Variants in COL4A4 observed in about 807,000 individuals in gnomAD.
The protein encoded by COL4A4 is collagen alpha-4(IV) chain.
In COL4A4, 105 loss-of-function variants were observed where a neutral mutation model predicts 192.9. The ratio of observed to expected loss-of-function variants is 0.54; its 90% CI spans 0.46 to 0.64. COL4A4 has a LOEUF of 0.64. COL4A4 is among the 30% of genes least tolerant of loss of function. The probability of loss-of-function intolerance (pLI) is 0.00; values close to 1 mark genes in which losing one functional copy is unlikely to be tolerated. For synonymous variants in COL4A4, 762 were observed against 769.9 expected (o/e 0.99, Z 0.17); for missense variants, 1,967 against 2,169.3 (o/e 0.91, Z 1.85).
chr2:227,122,341 A>G (rs1458566649), intron 4 of COL4A4, among the ~76,000 whole-genome samples: 1 of 152,240 alleles, frequency 6.6e-6, no homozygotes, highest in African/African-American at 2.4e-5. Context: ...AATTTTTGCA[A>G]AGATTTAAGA....
In COL4A4 at chr2:227,012,221, A is replaced by G; in HGVS notation, c.4293T>C (p.Arg1431=). 4.3e-6 allele frequency: 7 copies of G among 1,614,062 alleles called. No individual in the cohort carries two copies. The highest frequency in any genetic ancestry group is 5.9e-6 in the Non-Finnish European group (7 of 1,179,982). The part of the protein sequence containing the change: ...GVPGSPGPPG[R]KGDTGEDGYP... ...AGCCGTCTTCTCCTGTGTCACCTTT[A>G]CGTCCGGGAGGCCCAGGAGACCCAG... The change falls in exon 45 of 48, where the codon CGT becomes CGC. Residue 1431 remains arginine (R), a synonymous_variant. Coordinates refer to ENST00000396625, the MANE Select transcript of COL4A4 (RefSeq NM_000092.5).
rs1184965198 is a variant in COL4A4 at position 227,010,287 on chromosome 2, G to A, written c.4522+26C>T. The A allele has an allele frequency of 3.1e-6, 5 of 1,613,736 alleles. No homozygotes were observed. The Admixed American group carries it at 5.0e-5, about 16-fold the overall frequency. Reference sequence around the variant, plus strand: ...CCCCAAATTTTACTCTTCAGGCAATGGAGATGGGCGATCCTGTATCCATAC... The same window carrying A: ...CCCCAAATTTTACTCTTCAGGCAATAGAGATGGGCGATCCTGTATCCATAC... On this transcript the variant is annotated intron_variant, in intron 46 of 47. Coordinates refer to ENST00000396625, the MANE Select transcript of COL4A4 (RefSeq NM_000092.5).
chr2:227,072,764 T>C (rs1253046918), intron 25 of COL4A4, among the ~76,000 whole-genome samples: 3 of 152,084 alleles, frequency 2.0e-5, no homozygotes, highest in African/African-American at 4.8e-5. Context: ...AGTCAATAAA[T>C]GTGATCCATC....
the COL4A4 span, among the ~76,000 whole-genome samples, chr2:226,977,242 C>G: frequency 4.6e-5 from 7 of 152,172 alleles, no homozygotes; most frequent in East Asian, 9.6e-4. Flanking sequence ...GCAAGCTCCC[C>G]CTCCCTTTAG....
intron 40 of COL4A4, among the ~76,000 whole-genome samples, chr2:227,030,988 GGATA>G (rs944013146): frequency 9.5e-5 from 14 of 146,878 alleles, no homozygotes; most frequent in Admixed American, 2.7e-4. Flanking sequence ...ACGGTTGGAT[GGATA>G]GATAAGATGG....
In COL4A4 at chr2:227,114,332, C is replaced by CA. The variant is rs57865017; in HGVS notation, c.558+295dup. Among the ~76,000 whole-genome samples, 12,462 of 152,238 alleles carry CA rather than the reference C, an allele frequency of 0.082. 957 individuals are homozygous for CA. The highest frequency in any genetic ancestry group is 0.21 in the African/African-American group (8,615 of 41,504). On this transcript the variant is annotated intron_variant, in intron 8 of 47. Transcript: ENST00000396625. ...TCCTATAATGCACAAGTCAGCCCCACACCAAATGAATATGTGGCCCACAAT... is the reference window on the plus strand; with the variant it reads ...TCCTATAATGCACAAGTCAGCCCCACAACCAAATGAATATGTGGCCCACAAT...
chr2:227,045,967 TTATA>T, intron 35 of COL4A4, among the ~76,000 whole-genome samples: 1 of 34,404 alleles, frequency 2.9e-5, no homozygotes, highest in African/African-American at 1.4e-4. Flanking sequence ...ATGTATATAT[TTATA>T]TGTGTATATG....
chr2:227,091,995 CTG>C (rs953570140), intron 20 of COL4A4, among the ~76,000 whole-genome samples: 1 of 152,064 alleles, frequency 6.6e-6, no homozygotes, highest in African/African-American at 2.4e-5. Context: ...TGCTTACTGA[CTG>C]TGTGCAAGCC....
At chr2:227,120,061 T>G (rs2061694347) in intron 5 of COL4A4, 122 bp from the exon 6 acceptor site, 1 of 676,192 alleles carries the variant, frequency 1.5e-6, no homozygotes, top group Non-Finnish European at 2.3e-6. Context: ...TGTCACCTAT[T>G]TTTTACATGA....
chr2:227,084,886 C>A (rs1321953418), intron 22 of COL4A4, among the ~76,000 whole-genome samples: 2 of 152,136 alleles, frequency 1.3e-5, no homozygotes, highest in African/African-American at 2.4e-5. Context: ...AATCCCAGCA[C>A]TTTGGGAGGC....
chr2:227,114,829 T>C, intron 7 of COL4A4, 133 bp from the exon 8 acceptor site: 1 of 738,354 alleles, frequency 1.4e-6, no homozygotes, highest in Non-Finnish European at 2.4e-6. Context: ...GACATTTCTG[T>C]ATCCTCTTCC....
chr2:227,125,587 T>C (rs2062038440), intron 4 of COL4A4, among the ~76,000 whole-genome samples: 1 of 151,410 alleles, frequency 6.6e-6, no homozygotes, highest in Admixed American at 6.6e-5. Flanking sequence ...TGCTAACTCC[T>C]CTCTCTCACC....
intron 25 of COL4A4, among the ~76,000 whole-genome samples, chr2:227,071,820 G>A (rs1576317558): frequency 6.6e-6 from 1 of 152,062 alleles, no homozygotes; most frequent in African/African-American, 2.4e-5. Context: ...AATGAAATCA[G>A]GATGGACATT....
At position 227,022,041 on chromosome 2, in the gene COL4A4, C is replaced by T. The variant is rs752587414; in HGVS notation, c.4216+7G>A. 1.2e-6 allele frequency: 2 copies of T among 1,613,776 alleles called. No individual in the cohort carries two copies. Among genetic ancestry groups the T allele is most frequent in the Non-Finnish European group, 8.5e-7 (1 of 1,179,780 alleles). Reference sequence around the variant, plus strand: ...AAAATAATGAACAATCAGCATGCGGCTCATACCTGGTCCTGAGGGGCCTCT... The same window carrying T: ...AAAATAATGAACAATCAGCATGCGGTTCATACCTGGTCCTGAGGGGCCTCT... On this transcript the variant is annotated splice_region_variant and intron_variant, in intron 44 of 47. Coordinates refer to ENST00000396625, the MANE Select transcript of COL4A4 (RefSeq NM_000092.5).
intron 38 of COL4A4, among the ~76,000 whole-genome samples, chr2:227,032,549 G>A (rs923692210): frequency 2.1e-4 from 32 of 152,154 alleles, no homozygotes; most frequent in African/African-American, 7.2e-4. Flanking sequence ...CTCTACAATG[G>A]AGAGAGTAAA....
At chr2:227,067,749 C>A (rs1486186699) in intron 25 of COL4A4, among the ~76,000 whole-genome samples, 3 of 151,990 alleles carry the variant, frequency 2.0e-5, no homozygotes, top group Non-Finnish European at 4.4e-5. Flanking sequence ...GCACTAAATG[C>A]CCTCAAGAGA....
At chr2:226,973,648 G>A in the COL4A4 span, among the ~76,000 whole-genome samples, 2 of 152,202 alleles carry the variant, frequency 1.3e-5, no homozygotes, top group Non-Finnish European at 2.9e-5. Flanking sequence ...AGAGACAAAG[G>A]TAAGTTAGAT....
chr2:227,015,135 A>G (rs947113506), intron 44 of COL4A4, among the ~76,000 whole-genome samples: 3 of 152,072 alleles, frequency 2.0e-5, no homozygotes, highest in Admixed American at 1.3e-4. Context: ...TGCTGACCTC[A>G]GGTTATCTGC....
intron 25 of COL4A4, among the ~76,000 whole-genome samples, chr2:227,075,247 C>G (rs1192331489): frequency 6.6e-6 from 1 of 152,096 alleles, no homozygotes; most frequent in Non-Finnish European, 1.5e-5. Flanking sequence ...TGCAAAAACC[C>G]TCAATAAAAT....
Sources: allele counts gnomAD v4.1 joint callset (sites outside exome capture counted in the v4.1 genomes callset), GRCh38; gene constraint gnomAD v4.1.1; transcripts MANE v1.5; gene names NCBI Gene and HGNC (gene_info 2026-07-23, HGNC 2026-07-21).